The following GMDS variants were observed in gnomAD, a reference collection of about 807,000 sequenced individuals.
The protein encoded by GMDS is GDP-mannose 4,6-dehydratase.
GMDS carries 20 observed loss-of-function variants against 49.9 expected under a neutral mutation model. The observed-to-expected ratio is 0.40, with a 90% CI of 0.28 to 0.58. The LOEUF (loss-of-function observed/expected upper bound fraction) is 0.58. Among genes scored for constraint, GMDS ranks in the 20% least tolerant of loss-of-function variants. GMDS has a pLI of 0.42. For missense variants in GMDS, 362 were observed against 481.4 expected (o/e 0.75, Z 2.32); for synonymous variants, 177 against 178.6 (o/e 0.99, Z 0.07).
At chr6:2,055,770 TAG>T (rs895619910) in intron 4 of GMDS, among the ~76,000 whole-genome samples, 1 of 152,142 alleles carries the variant, frequency 6.6e-6, no homozygotes, top group African/African-American at 2.4e-5. Context: ...GGCTGGGGTT[TAG>T]AGTCAAGTGT....
At chr6:1,645,046 T>C (rs993506359) in intron 9 of GMDS, among the ~76,000 whole-genome samples, 3 of 151,800 alleles carry the variant, frequency 2.0e-5, no homozygotes, top group African/African-American at 4.8e-5. Context: ...AGCGATTCTC[T>C]TGCCTCAGCC....
intron 4 of GMDS, among the ~76,000 whole-genome samples, chr6:2,103,599 T>C (rs1471715244): frequency 6.6e-6 from 1 of 152,180 alleles, no homozygotes; most frequent in East Asian, 1.9e-4. Context: ...GATGGGATTG[T>C]TAAGGACATG....
chr6:1,917,492 C>T (rs1761464152), intron 7 of GMDS, among the ~76,000 whole-genome samples: 1 of 152,204 alleles, frequency 6.6e-6, no homozygotes, highest in Non-Finnish European at 1.5e-5. Flanking sequence ...CAAAGCACTA[C>T]AGGAATAGAA....
chr6:1,870,445 C>G (rs996641555), intron 7 of GMDS, among the ~76,000 whole-genome samples: 1 of 152,080 alleles, frequency 6.6e-6, no homozygotes, highest in East Asian at 1.9e-4. Context: ...CTTCCTCCCC[C>G]ACCCCAGCCC....
chr6:1,687,863 G>A (rs977417903), intron 9 of GMDS, among the ~76,000 whole-genome samples: 2 of 152,152 alleles, frequency 1.3e-5, no homozygotes, highest in Non-Finnish European at 2.9e-5. Context: ...GAGCTAAGCG[G>A]GGTGAGGTTG....
At chr6:2,210,098 C>A (rs1460487603) in intron 1 of GMDS, among the ~76,000 whole-genome samples, 1 of 152,190 alleles carries the variant, frequency 6.6e-6, no homozygotes. Flanking sequence ...ACCAATTTAG[C>A]TCCTGAGTGC....
chr6:1,942,827 C>T (rs368794926), intron 6 of GMDS, among the ~76,000 whole-genome samples: 1 of 152,168 alleles, frequency 6.6e-6, no homozygotes, highest in Non-Finnish European at 1.5e-5. Context: ...GCGTGAGGTT[C>T]GCTTTTTGCC....
At chr6:1,916,882 G>GTT (rs59933624) in intron 7 of GMDS, among the ~76,000 whole-genome samples, 16,514 of 145,390 alleles carry the variant, frequency 0.11, 915 homozygotes, top group East Asian at 0.16. Flanking sequence ...GCTTCTTCAG[G>GTT]TTTTTTTTTT....
At chr6:2,174,952 C>T (rs1006019) in intron 1 of GMDS, among the ~76,000 whole-genome samples, 16,612 of 152,034 alleles carry the variant, frequency 0.11, 2,997 homozygotes, top group African/African-American at 0.38. Flanking sequence ...AAGGCAGAAG[C>T]CTTCAGGACT....
At position 1,833,039 on chromosome 6, in the gene GMDS, G is replaced by A. The variant is rs947236440; in HGVS notation, c.772-90453C>T. Among the ~76,000 whole-genome samples, 1 of 151,890 alleles carries A rather than the reference G, an allele frequency of 6.6e-6. No individual in the cohort carries two copies. The highest frequency in any genetic ancestry group is 1.5e-5 in the Non-Finnish European group (1 of 67,994). Reference sequence around the variant, plus strand: ...AACCACTGTCAGTTTTGTGGGGTTGGCCTCTGATCACTCACACAAAGGACG... The same window carrying A: ...AACCACTGTCAGTTTTGTGGGGTTGACCTCTGATCACTCACACAAAGGACG... On this transcript the variant is annotated intron_variant, in intron 7 of 10. Coordinates refer to ENST00000380815, the MANE Select transcript of GMDS (RefSeq NM_001500.4). This position sits in a 1 kb window ranked among gnomAD's most constrained non-coding sequence, Gnocchi z 4.4.
chr6:1,973,865 T>C (rs1764752528), intron 4 of GMDS, among the ~76,000 whole-genome samples: 1 of 152,188 alleles, frequency 6.6e-6, no homozygotes, highest in Non-Finnish European at 1.5e-5. Context: ...CAACATGGCC[T>C]GTGGTTACAA....
chr6:1,831,463 T>C (rs1356464920), intron 7 of GMDS, among the ~76,000 whole-genome samples: 1 of 152,166 alleles, frequency 6.6e-6, no homozygotes, highest in African/African-American at 2.4e-5. Context: ...TAGGTAAGGT[T>C]ATAAAGTTTT....
At chr6:2,003,892 C>T (rs1460872545) in intron 4 of GMDS, among the ~76,000 whole-genome samples, 1 of 152,122 alleles carries the variant, frequency 6.6e-6, no homozygotes, top group Admixed American at 6.6e-5. Flanking sequence ...AGCTATTTTG[C>T]ACTAAATTTC....
At chr6:2,232,577 G>A (rs763165220) in intron 1 of GMDS, among the ~76,000 whole-genome samples, 30 of 151,960 alleles carry the variant, frequency 2.0e-4, no homozygotes, top group South Asian at 6.2e-4. Context: ...TTCTATCTTC[G>A]TTCAGGTAGG....
intron 7 of GMDS, among the ~76,000 whole-genome samples, chr6:1,748,532 T>G (rs775475083): frequency 2.0e-5 from 3 of 152,236 alleles, no homozygotes; most frequent in Non-Finnish European, 4.4e-5. Flanking sequence ...TCTTCCATAC[T>G]TTTCCTGTTT....
chr6:1,917,918 G>C (rs879746731), intron 7 of GMDS, among the ~76,000 whole-genome samples: 7 of 152,210 alleles, frequency 4.6e-5, no homozygotes, highest in Admixed American at 1.3e-4. Flanking sequence ...TGCGACCAGG[G>C]AGGAAATGAA....
intron 4 of GMDS, among the ~76,000 whole-genome samples, chr6:1,996,627 A>G (rs561202597): frequency 6.6e-6 from 1 of 152,308 alleles, no homozygotes; most frequent in East Asian, 1.9e-4. Context: ...CTCTTGGTAC[A>G]AAATGGTTGG....
chr6:1,784,917 C>T (rs1769258428), intron 7 of GMDS, among the ~76,000 whole-genome samples: 2 of 152,172 alleles, frequency 1.3e-5, no homozygotes, highest in Non-Finnish European at 1.5e-5. Context: ...AACTACTGCA[C>T]AATTAGTTTT....
intron 7 of GMDS, among the ~76,000 whole-genome samples, chr6:1,858,637 G>A (rs780361909): frequency 1.3e-5 from 2 of 152,016 alleles, no homozygotes; most frequent in Non-Finnish European, 2.9e-5. Context: ...GAAACGTAAT[G>A]GAGAAAGAAG....
Sources: allele counts gnomAD v4.1 joint callset (sites outside exome capture counted in the v4.1 genomes callset), GRCh38; gene constraint gnomAD v4.1.1; non-coding constraint Gnocchi (gnomAD v3.1); transcripts MANE v1.5; gene names NCBI Gene and HGNC (gene_info 2026-07-23, HGNC 2026-07-21).